The following ZNF184 variants were observed in gnomAD, a reference collection of about 807,000 sequenced individuals.
ZNF184 encodes the protein zinc finger protein 184, also known as zinc finger protein 184 (Kruppel-like).
In ZNF184, 16 loss-of-function variants were observed where a neutral mutation model predicts 54.4. The observed-to-expected ratio is 0.29, with a 90% CI of 0.20 to 0.45. The LOEUF is 0.45. ZNF184 is among the 20% of genes least tolerant of loss of function. The probability of loss-of-function intolerance (pLI) is 1.00; values close to 1 mark genes in which losing one functional copy is unlikely to be tolerated. For missense variants in ZNF184, 681 were observed against 888.2 expected (o/e 0.77, Z 2.97); for synonymous variants, 254 against 295.3 (o/e 0.86, Z 1.43).
chr6:27,426,698 C>G, the ZNF184 span, among the ~76,000 whole-genome samples: 1 of 152,220 alleles, frequency 6.6e-6, no homozygotes, highest in African/African-American at 2.4e-5. This position sits in a 1 kb window ranked among gnomAD's most constrained non-coding sequence, Gnocchi z 4.2. Flanking sequence ...AGTCAGCAAG[C>G]TAATTCCTTT....
At chr6:27,406,597 A>G in the ZNF184 span, 1 of 152,450 alleles carries the variant, frequency 6.6e-6, no homozygotes. Flanking sequence ...TTTGAACTGG[A>G]ACACTCTGGC....
At chr6:27,455,847 T>C (rs1762840641) in intron 5 of ZNF184, among the ~76,000 whole-genome samples, 1 of 152,324 alleles carries the variant, frequency 6.6e-6, no homozygotes, top group Admixed American at 6.5e-5. Context: ...TTACCTAGAA[T>C]GACTAGGTTT....
chr6:27,472,435 T>A lies in ZNF184; in HGVS notation c.-139-2A>T. 9.7e-7 allele frequency: 1 copy of A among 1,034,142 alleles called. No individual in the cohort carries two copies. The highest frequency in any genetic ancestry group is 1.5e-6 in the Non-Finnish European group (1 of 687,512). 64.1% of individuals were successfully genotyped at this position (1,034,142 alleles called of 1,614,324 possible). A position where few individuals can be genotyped will look rare whatever the true frequency, so the allele number is the denominator to read the frequency against. ...TGCAACACGCTGAGGTTGTCTACCCTAAAAGACACAGGATGGCGTCAGCAG... is the reference window on the plus strand; with the variant it reads ...TGCAACACGCTGAGGTTGTCTACCCAAAAAGACACAGGATGGCGTCAGCAG... On this transcript the variant is annotated splice_acceptor_variant, in intron 1 of 5. Transcript: ENST00000683788. LOFTEE classifies it low-confidence loss of function (5UTR_SPLICE). This position sits in a 1 kb window ranked among gnomAD's most constrained non-coding sequence, Gnocchi z 4.8.
At chr6:27,459,565 T>A (rs926910290) in intron 3 of ZNF184, among the ~76,000 whole-genome samples, 1 of 152,200 alleles carries the variant, frequency 6.6e-6, no homozygotes, top group Middle Eastern at 3.4e-3. Flanking sequence ...TGTCCTATGG[T>A]GGAAACAGAA....
In ZNF184 at chr6:27,453,264, A is replaced by G; in HGVS notation, c.299-4T>C. ...TTTTCAAGTCTTGTCTCCCAGTCTAAAAGAAAAAGAAAATTCCAGTGTTCT... is the reference window on the plus strand; with the variant it reads ...TTTTCAAGTCTTGTCTCCCAGTCTAGAAGAAAAAGAAAATTCCAGTGTTCT... On this transcript the variant is annotated splice_region_variant and splice_polypyrimidine_tract_variant and intron_variant, in intron 5 of 5. Coordinates refer to ENST00000683788, the MANE Select transcript of ZNF184 (RefSeq NM_001318891.2). This position sits in a 1 kb window ranked among gnomAD's most constrained non-coding sequence, Gnocchi z 4.7. 6.4e-7 allele frequency: 1 copy of G among 1,567,040 alleles called. No homozygotes were observed. The highest frequency in any genetic ancestry group is 8.6e-7 in the Non-Finnish European group (1 of 1,162,878).
downstream of ZNF184, among the ~76,000 whole-genome samples, chr6:27,447,958 G>A (rs1762657126): frequency 6.6e-6 from 1 of 152,084 alleles, no homozygotes; most frequent in South Asian, 2.1e-4. Flanking sequence ...TCACCTTTGG[G>A]GAAGAAGAAA....
At chr6:27,447,071 TCAA>T (rs1215774867), downstream of ZNF184, among the ~76,000 whole-genome samples, 107 of 132,142 alleles carry the variant, frequency 8.1e-4, no homozygotes, top group Non-Finnish European at 7.5e-4. Flanking sequence ...GCCACTGCAA[TCAA>T]AAAAAAAAAA....
At chr6:27,426,650 A>G in the ZNF184 span, among the ~76,000 whole-genome samples, 7 of 152,228 alleles carry the variant, frequency 4.6e-5, no homozygotes, top group Admixed American at 2.0e-4. This position sits in a 1 kb window ranked among gnomAD's most constrained non-coding sequence, Gnocchi z 4.2. Flanking sequence ...ATAAGTCCCT[A>G]CTATTTAAAA....
intron 3 of ZNF184, among the ~76,000 whole-genome samples, chr6:27,467,490 G>T (rs1159379251): frequency 6.6e-6 from 1 of 152,132 alleles, no homozygotes; most frequent in East Asian, 1.9e-4. Context: ...AGCTACTCGG[G>T]ACGCTCAGGC....
chr6:27,418,493 A>C, the ZNF184 span, among the ~76,000 whole-genome samples: 1 of 152,186 alleles, frequency 6.6e-6, no homozygotes, highest in African/African-American at 2.4e-5. Flanking sequence ...GACTTACAGT[A>C]TGTATTTGTG....
At chr6:27,465,807 C>A (rs956997236) in intron 3 of ZNF184, among the ~76,000 whole-genome samples, 3 of 152,052 alleles carry the variant, frequency 2.0e-5, no homozygotes, top group African/African-American at 7.2e-5. Flanking sequence ...GATTTCAATA[C>A]CCCTTTCAGA....
the ZNF184 span, among the ~76,000 whole-genome samples, chr6:27,438,117 C>A: frequency 6.6e-6 from 1 of 152,086 alleles, no homozygotes; most frequent in Admixed American, 6.6e-5. Context: ...CATCAGGGCC[C>A]ATATTAAAAT....
chr6:27,454,938 T>C (rs1762818956), intron 5 of ZNF184, among the ~76,000 whole-genome samples: 1 of 152,012 alleles, frequency 6.6e-6, no homozygotes, highest in Non-Finnish European at 1.5e-5. Flanking sequence ...GACAGATACA[T>C]ATCAGGGTTA....
the ZNF184 span, among the ~76,000 whole-genome samples, chr6:27,420,236 T>C: frequency 1.3e-5 from 2 of 152,208 alleles, no homozygotes; most frequent in Non-Finnish European, 2.9e-5. Context: ...AACATTTGTT[T>C]AATGAATGAA....
intron 3 of ZNF184, among the ~76,000 whole-genome samples, chr6:27,463,632 A>T (rs1472149144): frequency 6.6e-6 from 1 of 152,090 alleles, no homozygotes; most frequent in Non-Finnish European, 1.5e-5. Context: ...ACCAAAATAC[A>T]TCATAATCAA....
At chr6:27,416,319 C>G in the ZNF184 span, among the ~76,000 whole-genome samples, 1 of 152,230 alleles carries the variant, frequency 6.6e-6, no homozygotes. Flanking sequence ...AATTTCTAGT[C>G]TATAACAATT....
At chr6:27,459,589 T>C (rs555774193) in intron 3 of ZNF184, among the ~76,000 whole-genome samples, 16 of 152,234 alleles carry the variant, frequency 1.1e-4, no homozygotes, top group African/African-American at 3.9e-4. Flanking sequence ...AAATGCAATC[T>C]ATCTGGGGGG....
chr6:27,416,590 C>G, the ZNF184 span, among the ~76,000 whole-genome samples: 1 of 152,156 alleles, frequency 6.6e-6, no homozygotes, highest in African/African-American at 2.4e-5. Flanking sequence ...TTGAATCTCT[C>G]CTCCCCTTAT....
At chr6:27,456,973 T>C (rs1762872301) in intron 4 of ZNF184, 52 bp from the exon 5 acceptor site, 2 of 1,493,620 alleles carry the variant, frequency 1.3e-6, no homozygotes, top group African/African-American at 1.4e-5. Context: ...GAAAGTACCA[T>C]ATCAGAATTC....
Sources: gnomAD v4.1 joint callset for allele counts (sites outside exome capture counted in the v4.1 genomes callset) on GRCh38, gnomAD v4.1.1 for gene constraint, Gnocchi (gnomAD v3.1) non-coding constraint, MANE v1.5 for transcripts, NCBI Gene and HGNC (gene_info 2026-07-23, HGNC 2026-07-21) for gene names.